Variants in SCN3B observed in about 807,000 individuals in gnomAD.
SCN3B encodes sodium voltage-gated channel beta subunit 3.
Under a neutral mutation model 25.4 loss-of-function variants are expected in SCN3B, and 11 were observed. That is an observed-to-expected ratio of 0.43 (90% confidence interval 0.27 to 0.72). The LOEUF is 0.72. Among genes scored for constraint, SCN3B ranks in the 30% least tolerant of loss-of-function variants. The probability of loss-of-function intolerance (pLI) is 0.18; values close to 1 mark genes in which losing one functional copy is unlikely to be tolerated. For missense variants in SCN3B, 218 were observed against 278.3 expected (o/e 0.78, Z 1.54); for synonymous variants, 109 against 110.7 (o/e 0.99, Z 0.09).
chr11:123,644,792 AGAGAGAGAATATATATATATATATAT>A (rs1322898009), intron 3 of SCN3B, among the ~76,000 whole-genome samples: 11 of 81,592 alleles, frequency 1.3e-4, no homozygotes, highest in African/African-American at 4.9e-4. Flanking sequence ...AGAGAGAGAG[AGAGAGAGAATATATATATATATATAT>A]ATATATATAT....
chr11:123,647,588 G>GA (rs201286298), intron 2 of SCN3B, among the ~76,000 whole-genome samples: 3 of 150,270 alleles, frequency 2.0e-5, no homozygotes, highest in Non-Finnish European at 3.0e-5. Flanking sequence ...AGAACCCCCA[G>GA]AAAAAAAAAG....
At chr11:123,644,870 CAT>C (rs367819860) in intron 3 of SCN3B, among the ~76,000 whole-genome samples, 5 of 133,368 alleles carry the variant, frequency 3.7e-5, no homozygotes, top group African/African-American at 1.1e-4. Flanking sequence ...CACACACATA[CAT>C]ATATATATAT....
At chr11:123,634,262 A>C (rs1303005469) in intron 5 of SCN3B, 56 bp from the exon 6 acceptor site, 10 of 1,393,650 alleles carry the variant, frequency 7.2e-6, no homozygotes, top group Non-Finnish European at 8.1e-6. Context: ...GTGGGAACAC[A>C]AGATGGGGAA....
chr11:123,637,869 A>G (rs905244205), intron 5 of SCN3B, among the ~76,000 whole-genome samples: 1 of 152,114 alleles, frequency 6.6e-6, no homozygotes, highest in Non-Finnish European at 1.5e-5. Flanking sequence ...GTAGCAGCTG[A>G]TGGTCTTTGC....
At chr11:123,637,111 A>G (rs535047836) in intron 5 of SCN3B, among the ~76,000 whole-genome samples, 1 of 152,232 alleles carries the variant, frequency 6.6e-6, no homozygotes, top group South Asian at 2.1e-4. Flanking sequence ...TCCCCAGACA[A>G]CCAGCCAGCA....
At chr11:123,636,746 G>T (rs1479659540) in intron 5 of SCN3B, among the ~76,000 whole-genome samples, 15 of 151,540 alleles carry the variant, frequency 9.9e-5, no homozygotes, top group Non-Finnish European at 1.9e-4. Context: ...GAGGCTGGAG[G>T]GCAGTGCCGT....
intron 5 of SCN3B, among the ~76,000 whole-genome samples, chr11:123,636,001 G>T (rs1415621651): frequency 6.6e-6 from 1 of 152,056 alleles, no homozygotes; most frequent in Non-Finnish European, 1.5e-5. Flanking sequence ...ATTTTGATTG[G>T]GATTTCATTG....
intron 3 of SCN3B, 47 bp downstream of exon 3, chr11:123,645,540 C>G (rs1159125560): frequency 6.2e-7 from 1 of 1,605,088 alleles, no homozygotes; most frequent in South Asian, 1.1e-5. Context: ...AGGCTGGGAA[C>G]AGCAGAGGCC....
intron 2 of SCN3B, among the ~76,000 whole-genome samples, 191 bp downstream of exon 2, chr11:123,653,556 G>A (rs1469155920): frequency 3.3e-5 from 5 of 152,108 alleles, no homozygotes; most frequent in Admixed American, 3.3e-4. Context: ...GCGGGGAAGG[G>A]CGGTGGGGAG....
At position 123,630,372 on chromosome 11, in the gene SCN3B, G is replaced by A. The variant is rs1452175194; in HGVS notation, c.*3427C>T. On this transcript the variant is annotated 3_prime_UTR_variant, in exon 7 of 7. Coordinates refer to ENST00000299333, the MANE Select transcript of SCN3B (RefSeq NM_001040151.2). Reference sequence around the variant, plus strand: ...AGTAAGAATGGGAAAATCAGATTGAGCCAAGCTTGGCCTTTAGTGAATTGT... The same window carrying A: ...AGTAAGAATGGGAAAATCAGATTGAACCAAGCTTGGCCTTTAGTGAATTGT... 1 of 152,614 alleles carries A rather than the reference G, an allele frequency of 6.6e-6. No homozygotes were observed. Among genetic ancestry groups the A allele is most frequent in the South Asian group, 2.1e-4 (1 of 4,828 alleles). The allele number at this position is 152,614 out of a possible 1,614,324, so 9.5% of individuals were successfully genotyped here. A position where few individuals can be genotyped will look rare whatever the true frequency, so the allele number is the denominator to read the frequency against.
chr11:123,634,040 C>A, intron 6 of SCN3B, 81 bp downstream of exon 6: 3 of 1,159,846 alleles, frequency 2.6e-6, no homozygotes, highest in Non-Finnish European at 2.6e-6. Context: ...AATTTAAAGT[C>A]ACTTCAGTTG....
chr11:123,645,484 G>A lies in SCN3B; in HGVS notation c.219+103C>T, dbSNP rs889514095. On this transcript the variant is annotated intron_variant, in intron 3 of 6. Transcript: ENST00000299333. ...GGATCTGTCAGTGTTTGGAAGAGAAGGAGCCAGTGTTTGCTAGCTTGGCAT... is the reference window on the plus strand; with the variant it reads ...GGATCTGTCAGTGTTTGGAAGAGAAAGAGCCAGTGTTTGCTAGCTTGGCAT... 1.7e-5 allele frequency: 20 copies of A among 1,150,260 alleles called. No individual in the cohort carries two copies. The African/African-American group carries it at 2.3e-4, about 13-fold the overall frequency. The allele number at this position is 1,150,260 out of a possible 1,614,324, so 71.3% of individuals were successfully genotyped here. A position where few individuals can be genotyped will look rare whatever the true frequency, so the allele number is the denominator to read the frequency against.
intron 4 of SCN3B, chr11:123,641,089 C>T (rs1022036373): frequency 3.3e-5 from 5 of 152,358 alleles, no homozygotes; most frequent in African/African-American, 1.2e-4. Flanking sequence ...GAGCACTGTG[C>T]TAAGGTCTGG....
rs1955751373 is a variant in SCN3B, at chr11:123,638,236, T to C, written c.534A>G (p.Ile178Met). The C allele has an allele frequency of 1.9e-6, 3 of 1,614,188 alleles. No homozygotes were observed. Among genetic ancestry groups the C allele is most frequent in the Non-Finnish European group, 2.5e-6 (3 of 1,180,046 alleles). ...FLTLWLLIEM[I>M]YCYRKVSKAE... ...CTTTTGAGACCTTTCTGTAGCAATA[T>C]ATCATCTCGATGAGCAGCCACAAGG... Residue 178 changes from isoleucine to methionine, a missense_variant, in exon 5 of 7, where the codon ATA becomes ATG. Physicochemically the swap from Ile to Met is conservative, Grantham distance 10 (BLOSUM62 1). Transcript: ENST00000299333.
chr11:123,638,025 T>C lies in SCN3B; in HGVS notation c.584+161A>G, dbSNP rs147175348. Reference sequence around the variant, plus strand: ...CTTAAGCCAACTCTCCGAAATTCAGTGTTCTCATCTGTAAAATGGGTATAA... The same window carrying C: ...CTTAAGCCAACTCTCCGAAATTCAGCGTTCTCATCTGTAAAATGGGTATAA... On this transcript the variant is annotated intron_variant, in intron 5 of 6. Transcript: ENST00000299333. Among the ~76,000 whole-genome samples the C allele has an allele frequency of 7.8e-4, 119 of 152,284 alleles. 2 individuals are homozygous for C. In the East Asian group the frequency reaches 0.012, roughly 16 times the overall value.
Position 123,642,507 on chromosome 11 carries a change from A to C in SCN3B, c.384T>G (p.Phe128Leu). 1 of 1,614,158 alleles carries C rather than the reference A, an allele frequency of 6.2e-7. No homozygotes were observed. The highest frequency in any genetic ancestry group is 8.5e-7 in the Non-Finnish European group (1 of 1,180,030). The change falls in exon 4 of 7, where the codon TTT becomes TTG. Residue 128 changes from phenylalanine to leucine, a missense_variant. Transcript: ENST00000299333. This position sits in a 1 kb window ranked among gnomAD's most constrained non-coding sequence, Gnocchi z 4.3. ...YTCNVSREFE[F>L]EAHRPFVKTT... ...TCTTCACAAAGGGCCGATGCGCCTCAAACTCAAACTCCCGGGACACATTGC... is the reference window on the plus strand; with the variant it reads ...TCTTCACAAAGGGCCGATGCGCCTCCAACTCAAACTCCCGGGACACATTGC...
intron 4 of SCN3B, chr11:123,640,633 A>G (rs775726817): frequency 6.6e-6 from 1 of 152,222 alleles, no homozygotes; most frequent in African/African-American, 2.4e-5. Context: ...TCCAGCGCGA[A>G]TTTGCTGCAC....
chr11:123,644,844 CACACACATATAT>C (rs1955836071), intron 3 of SCN3B, among the ~76,000 whole-genome samples: 1 of 141,038 alleles, frequency 7.1e-6, no homozygotes, highest in African/African-American at 2.6e-5. Flanking sequence ...TATATATACA[CACACACATATAT>C]ACACACACAC....
At position 123,642,651 on chromosome 11, in the gene SCN3B, G is replaced by A. The variant is rs899269347; in HGVS notation, c.240C>T (p.Gly80=). 2.5e-6 allele frequency: 4 copies of A among 1,613,898 alleles called. No homozygotes were observed. The African/African-American group carries it at 5.3e-5, about 22-fold the overall frequency. The change falls in exon 4 of 7, where the codon GGC becomes GGT. Residue 80 remains glycine (G), a synonymous_variant. Transcript: ENST00000299333. The surrounding 1 kb of genome is among the most constrained non-coding windows in gnomAD (Gnocchi z 4.3). ...KDFLIYEYRN[G]HQEVESPFQG... is the part of the protein sequence containing the mutation. Reference sequence around the variant, plus strand: ...GAAAGGGGCTCTCCACCTCCTGGTGGCCATTCCGATACTCGTAAATCTGCA... The same window carrying A: ...GAAAGGGGCTCTCCACCTCCTGGTGACCATTCCGATACTCGTAAATCTGCA...
Sources: allele counts gnomAD v4.1 joint callset (sites outside exome capture counted in the v4.1 genomes callset), GRCh38; gene constraint gnomAD v4.1.1; non-coding constraint Gnocchi (gnomAD v3.1); transcripts MANE v1.5; gene names NCBI Gene and HGNC (gene_info 2026-07-23, HGNC 2026-07-21).